SGPP2: variants seen among roughly 807,000 people sequenced by gnomAD.
SGPP2 encodes the protein sphingosine-1-phosphate phosphatase 2.
A neutral mutation model predicts 33.9 loss-of-function variants in SGPP2; 30 were observed. The ratio of observed to expected loss-of-function variants is 0.89; its 90% CI spans 0.66 to 1.20. The LOEUF is 1.20. Ranked by LOEUF, SGPP2 falls within the 50% of genes most tolerant of loss-of-function variation. The probability of loss-of-function intolerance (pLI) is 0.00; values close to 1 mark genes in which losing one functional copy is unlikely to be tolerated. For synonymous variants in SGPP2, 233 were observed against 225.0 expected (o/e 1.04, Z -0.32); for missense variants, 458 against 532.1 (o/e 0.86, Z 1.37).
chr2:222,557,639 A>G (rs1374917333), intron 4 of SGPP2, among the ~76,000 whole-genome samples: 2 of 152,234 alleles, frequency 1.3e-5, no homozygotes, highest in Non-Finnish European at 2.9e-5. Flanking sequence ...AATGTGGGAC[A>G]TCAAGGAGTT....
At chr2:222,524,892 A>G (rs1209090091) in intron 3 of SGPP2, 52 bp from the exon 4 acceptor site, 4 of 1,388,888 alleles carry the variant, frequency 2.9e-6, no homozygotes, top group Non-Finnish European at 4.1e-6. Context: ...ACATCAAATC[A>G]TGTATGTCTG....
At chr2:222,548,699 A>G (rs1030075886) in intron 4 of SGPP2, among the ~76,000 whole-genome samples, 3 of 152,176 alleles carry the variant, frequency 2.0e-5, no homozygotes, top group African/African-American at 7.2e-5. Context: ...TGTGCTTTCA[A>G]TAGGAAATTA....
intron 1 of SGPP2, among the ~76,000 whole-genome samples, chr2:222,433,535 G>C (rs1311308508): frequency 3.9e-5 from 6 of 152,148 alleles, no homozygotes; most frequent in African/African-American, 1.2e-4. Context: ...GAGCAACCAG[G>C]TACTTAATCC....
chr2:222,541,150 A>G (rs1212540047), intron 4 of SGPP2, among the ~76,000 whole-genome samples: 1 of 152,222 alleles, frequency 6.6e-6, no homozygotes, highest in East Asian at 1.9e-4. Context: ...AAAATGTAAT[A>G]GAGTGTCTTG....
chr2:222,527,626 G>A (rs1698778637), intron 4 of SGPP2, among the ~76,000 whole-genome samples: 1 of 152,190 alleles, frequency 6.6e-6, no homozygotes, highest in Non-Finnish European at 1.5e-5. Flanking sequence ...AGAAGCTGGA[G>A]CAAGAGGCCA....
chr2:222,467,966 A>AAAAAAAAC (rs1697774324), intron 1 of SGPP2, among the ~76,000 whole-genome samples: 1 of 128,016 alleles, frequency 7.8e-6, no homozygotes, highest in Non-Finnish European at 1.5e-5. Flanking sequence ...AAAAAAAAAA[A>AAAAAAAAC]AAAAAAAAAA....
At chr2:222,536,681 A>C (rs1020086074) in intron 4 of SGPP2, among the ~76,000 whole-genome samples, 1 of 151,002 alleles carries the variant, frequency 6.6e-6, no homozygotes, top group Admixed American at 6.6e-5. Flanking sequence ...CTCTGTCTCC[A>C]AAAAAAATAA....
rs1689281850 is a variant in SGPP2, at chr2:222,550,873, G to A, written c.649-7474G>A. On this transcript the variant is annotated intron_variant, in intron 4 of 4. Coordinates refer to ENST00000321276, the MANE Select transcript of SGPP2 (RefSeq NM_152386.4). The surrounding 1 kb of genome is among the most constrained non-coding windows in gnomAD (Gnocchi z 4.5). ...CAAGAACCAAACAGGAATCATCCCTGTATGTAAACTTCATGAGCAGCCTTA... is the reference window on the plus strand; with the variant it reads ...CAAGAACCAAACAGGAATCATCCCTATATGTAAACTTCATGAGCAGCCTTA... Among the ~76,000 whole-genome samples the A allele has an allele frequency of 1.3e-5, 2 of 151,158 alleles. No individual in the cohort carries two copies. Among genetic ancestry groups the A allele is most frequent in the South Asian group, 4.1e-4 (2 of 4,822 alleles).
intron 1 of SGPP2, chr2:222,452,487 T>C: frequency 2.3e-6 from 2 of 858,920 alleles, no homozygotes; most frequent in East Asian, 2.4e-5. Context: ...TTGTCTGCTT[T>C]ATTACGTTAT....
chr2:222,474,674 C>T lies in SGPP2; in HGVS notation c.326C>T (p.Thr109Ile), dbSNP rs1487590997. 2 of 1,613,912 alleles carry T rather than the reference C, an allele frequency of 1.2e-6. No homozygotes were observed. Among genetic ancestry groups the T allele is most frequent in the Non-Finnish European group, 1.7e-6 (2 of 1,179,824 alleles). Residue 109 changes from threonine (T) to isoleucine (I), a missense_variant, in exon 2 of 5, where the codon ACT (threonine) becomes ATT (isoleucine). Transcript: ENST00000321276. ...EVFYITFLPF[T>I]HWNIDPYLSR... ...TTCTACATCACGTTTCTTCCATTCA[C>T]TCACTGGAATATTGACCCTTATTTA...
rs567700164 is a variant in SGPP2, at chr2:222,427,240, A to G, written c.219+2419A>G. ...GACTTTTGTGAATACATGCATGTAG[A>G]TTGCAATATAAAATTATAGTTTTAA... On this transcript the variant is annotated intron_variant, in intron 1 of 4. Transcript: ENST00000321276. Among the ~76,000 whole-genome samples, 5 of 152,268 alleles carry G rather than the reference A, an allele frequency of 3.3e-5. No individual in the cohort carries two copies. The South Asian group carries it at 1.0e-3, about 32-fold the overall frequency.
At chr2:222,503,811 C>T (rs990494645) in intron 2 of SGPP2, 2 of 152,212 alleles carry the variant, frequency 1.3e-5, no homozygotes, top group South Asian at 2.1e-4. Flanking sequence ...AAGAATTCCT[C>T]AGTGACCGAG....
intron 2 of SGPP2, among the ~76,000 whole-genome samples, chr2:222,488,864 A>T (rs1028715751): frequency 1.3e-5 from 2 of 152,142 alleles, no homozygotes; most frequent in African/African-American, 4.8e-5. Flanking sequence ...TTTAAAATTA[A>T]ATTTCTTCTC....
chr2:222,426,877 T>C (rs889614485), intron 1 of SGPP2, among the ~76,000 whole-genome samples: 3 of 152,216 alleles, frequency 2.0e-5, no homozygotes, highest in African/African-American at 7.2e-5. Flanking sequence ...TTGTGAAAAG[T>C]GTGCTGCCCT....
At chr2:222,439,655 C>T (rs1444577428) in intron 1 of SGPP2, among the ~76,000 whole-genome samples, 1 of 152,178 alleles carries the variant, frequency 6.6e-6, no homozygotes, top group African/African-American at 2.4e-5. Flanking sequence ...CACATGATAA[C>T]TTGGATGTAT....
rs990514388 is a variant in SGPP2, at chr2:222,491,141, A to T, written c.378+16415A>T. 1.2e-4 allele frequency among the ~76,000 whole-genome samples: 14 copies of T among 118,948 alleles called. No homozygotes were observed. In the Admixed American group the frequency reaches 1.2e-3, roughly 10 times the overall value. The allele number at this position is 118,948 out of a possible 152,430, so 78.0% of individuals were successfully genotyped here. A position where few individuals can be genotyped will look rare whatever the true frequency, so the allele number is the denominator to read the frequency against. On this transcript the variant is annotated intron_variant, in intron 2 of 4. Coordinates refer to ENST00000321276, the MANE Select transcript of SGPP2 (RefSeq NM_152386.4). ...AAGATGGCATAGCACTTCCAAATATATATTTTTTTTTGAAACAGAGTCTTG... is the reference window on the plus strand; with the variant it reads ...AAGATGGCATAGCACTTCCAAATATTTATTTTTTTTTGAAACAGAGTCTTG...
Position 222,467,403 on chromosome 2 carries a change from G to C in SGPP2, c.220-7165G>C, listed in dbSNP as rs550912826. ...AGTACCCTGCACACACCATCAACACGATCTTGTTTCATCCTCCCAAGGTCT... is the reference window on the plus strand; with the variant it reads ...AGTACCCTGCACACACCATCAACACCATCTTGTTTCATCCTCCCAAGGTCT... On this transcript the variant is annotated intron_variant, in intron 1 of 4. Coordinates refer to ENST00000321276, the MANE Select transcript of SGPP2 (RefSeq NM_152386.4). Among the ~76,000 whole-genome samples, 15 of 152,202 alleles carry C rather than the reference G, an allele frequency of 9.9e-5. No individual in the cohort carries two copies. In the South Asian group the frequency reaches 3.1e-3, roughly 32 times the overall value.
In SGPP2 at chr2:222,453,081, T is replaced by A. The variant is rs77710590; in HGVS notation, c.220-21487T>A. On this transcript the variant is annotated intron_variant, in intron 1 of 4. Coordinates refer to ENST00000321276, the MANE Select transcript of SGPP2 (RefSeq NM_152386.4). ...CGCTATTCTCTGCAGCAGTGGGTTG[T>A]TTGCCTTTGGGACTGGTAGGAGAAT... 6,735 of 1,176,696 alleles carry A rather than the reference T, an allele frequency of 5.7e-3. 383 individuals carry two copies. The East Asian group carries it at 0.13, about 22-fold the overall frequency. The allele number at this position is 1,176,696 out of a possible 1,614,324, so 72.9% of individuals were successfully genotyped here. A position where few individuals can be genotyped will look rare whatever the true frequency, so the allele number is the denominator to read the frequency against.
At chr2:222,436,701 G>T (rs1456753997) in intron 1 of SGPP2, among the ~76,000 whole-genome samples, 2 of 152,160 alleles carry the variant, frequency 1.3e-5, no homozygotes, top group Non-Finnish European at 2.9e-5. Flanking sequence ...GATAGTCTTG[G>T]CAGAACATTG....
Sources: gnomAD v4.1 joint callset for allele counts (sites outside exome capture counted in the v4.1 genomes callset) on GRCh38, gnomAD v4.1.1 for gene constraint, Gnocchi (gnomAD v3.1) non-coding constraint, MANE v1.5 for transcripts, NCBI Gene and HGNC (gene_info 2026-07-23, HGNC 2026-07-21) for gene names.